EIF2B3: variants seen among roughly 807,000 people sequenced by gnomAD.
The protein encoded by EIF2B3 is eukaryotic translation initiation factor 2B subunit gamma, also known as translation initiation factor eIF2B subunit gamma.
In EIF2B3, 20 loss-of-function variants were observed where a neutral mutation model predicts 54.1. The ratio of observed to expected loss-of-function variants is 0.37; its 90% confidence interval spans 0.26 to 0.54. EIF2B3 has a LOEUF of 0.54. Ranked by LOEUF, EIF2B3 falls within the 20% of genes least tolerant of loss-of-function variation. EIF2B3 has a pLI of 0.86. For missense variants in EIF2B3, 448 were observed against 547.8 expected (o/e 0.82, Z 1.82); for synonymous variants, 153 against 188.1 (o/e 0.81, Z 1.52).
intron 3 of EIF2B3, among the ~76,000 whole-genome samples, chr1:44,944,993 A>C (rs1303195047): frequency 6.6e-6 from 1 of 152,062 alleles, no homozygotes; most frequent in Non-Finnish European, 1.5e-5. Flanking sequence ...ATTTCAACTC[A>C]TAGTCTACCA....
intron 10 of EIF2B3, among the ~76,000 whole-genome samples, chr1:44,868,490 C>T (rs1172042686): frequency 6.9e-6 from 1 of 145,540 alleles, no homozygotes; most frequent in Non-Finnish European, 1.5e-5. Flanking sequence ...AGGACACTAA[C>T]ACTGGATTTT....
chr1:44,903,533 A>C (rs1643354047), intron 5 of EIF2B3, among the ~76,000 whole-genome samples: 1 of 152,240 alleles, frequency 6.6e-6, no homozygotes, highest in African/African-American at 2.4e-5. Flanking sequence ...ATTCCCCAAT[A>C]TGCTCATTGT....
At chr1:44,945,125 A>G (rs946097714) in intron 3 of EIF2B3, among the ~76,000 whole-genome samples, 1 of 152,108 alleles carries the variant, frequency 6.6e-6, no homozygotes, top group African/African-American at 2.4e-5. Flanking sequence ...CTTTTTCCAC[A>G]TGTAACTTGT....
chr1:44,875,466 T>C, intron 9 of EIF2B3, 152 bp downstream of exon 9: 1 of 760,310 alleles, frequency 1.3e-6, no homozygotes, highest in Non-Finnish European at 2.3e-6. Context: ...CCAGGCAGTC[T>C]TGTTGAGTGA....
chr1:44,871,968 C>T (rs948607971), intron 10 of EIF2B3, among the ~76,000 whole-genome samples: 3 of 150,512 alleles, frequency 2.0e-5, no homozygotes, highest in Non-Finnish European at 4.4e-5. Flanking sequence ...CCTCCACTTC[C>T]TGGGCTCAGT....
At chr1:44,961,148 C>A (rs1184609431) in intron 3 of EIF2B3, among the ~76,000 whole-genome samples, 2 of 149,284 alleles carry the variant, frequency 1.3e-5, no homozygotes, top group Non-Finnish European at 3.0e-5. Context: ...GCAGCCTGGA[C>A]AACAAAGCAA....
At chr1:44,982,291 A>T (rs1159805985) in intron 1 of EIF2B3, among the ~76,000 whole-genome samples, 1 of 152,142 alleles carries the variant, frequency 6.6e-6, no homozygotes, top group Non-Finnish European at 1.5e-5. Flanking sequence ...GAAGGTCATA[A>T]ATCTTTATTT....
chr1:44,874,492 T>C, intron 10 of EIF2B3, 186 bp downstream of exon 10: 4 of 647,898 alleles, frequency 6.2e-6, no homozygotes, highest in Non-Finnish European at 1.0e-5. Flanking sequence ...TTTTCCATTT[T>C]AGAGGAATAA....
chr1:44,956,370 G>C (rs1394651298), intron 3 of EIF2B3, among the ~76,000 whole-genome samples: 1 of 152,002 alleles, frequency 6.6e-6, no homozygotes, highest in Admixed American at 6.6e-5. Flanking sequence ...GTCGGGGGGT[G>C]GGGGGACTAG....
chr1:44,887,599 A>G (rs1242300630), intron 6 of EIF2B3, among the ~76,000 whole-genome samples: 1 of 152,244 alleles, frequency 6.6e-6, no homozygotes, highest in Non-Finnish European at 1.5e-5. Context: ...AGGGATGCTT[A>G]CTGATATGCA....
chr1:44,976,949 A>T (rs184149133), intron 3 of EIF2B3, among the ~76,000 whole-genome samples: 1 of 152,338 alleles, frequency 6.6e-6, no homozygotes, highest in East Asian at 1.9e-4. Context: ...CTAGATTTGG[A>T]TAATGGTAAT....
intron 3 of EIF2B3, among the ~76,000 whole-genome samples, chr1:44,947,881 T>TA (rs1301053616): frequency 1.3e-5 from 2 of 151,268 alleles, no homozygotes; most frequent in Non-Finnish European, 2.9e-5. Flanking sequence ...TTTTCTTTTC[T>TA]TTTTTTTTAG....
intron 3 of EIF2B3, among the ~76,000 whole-genome samples, chr1:44,976,221 C>T (rs553620211): frequency 6.6e-6 from 1 of 152,280 alleles, no homozygotes; most frequent in East Asian, 1.9e-4. Flanking sequence ...CGACTTGCAT[C>T]TGGACTATAT....
At chr1:44,919,387 C>CAG (rs2148927869) in intron 5 of EIF2B3, among the ~76,000 whole-genome samples, 1 of 151,886 alleles carries the variant, frequency 6.6e-6, no homozygotes, top group East Asian at 1.9e-4. Context: ...CTGAACCACA[C>CAG]AGTCACTAAG....
intron 3 of EIF2B3, among the ~76,000 whole-genome samples, chr1:44,953,161 A>AC (rs1644186552): frequency 6.6e-6 from 1 of 151,808 alleles, no homozygotes; most frequent in African/African-American, 2.4e-5. Context: ...TAAAAAAAAA[A>AC]AAAAAACCAG....
intron 3 of EIF2B3, among the ~76,000 whole-genome samples, chr1:44,972,262 C>T (rs576259505): frequency 5.0e-4 from 54 of 106,940 alleles, no homozygotes; most frequent in African/African-American, 1.9e-3. Context: ...CACACACACA[C>T]ACACATATAC....
chr1:44,910,433 A>C (rs756175392), intron 5 of EIF2B3, among the ~76,000 whole-genome samples: 99 of 152,256 alleles, frequency 6.5e-4, no homozygotes, highest in Non-Finnish European at 1.3e-3. Context: ...GAAATGCAAC[A>C]ATCAGACATG....
Position 44,910,631 on chromosome 1 carries a change from C to CT in EIF2B3, c.567-13188dup, listed in dbSNP as rs60757270. Among the ~76,000 whole-genome samples, 1,534 of 61,392 alleles carry CT rather than the reference C, an allele frequency of 0.025. 207 individuals are homozygous for CT. In the East Asian group the frequency reaches 0.36, roughly 15 times the overall value. 40.3% of individuals were successfully genotyped at this position (61,392 alleles called of 152,430 possible). On this transcript the variant is annotated intron_variant, in intron 5 of 11. Transcript: ENST00000360403. ...TCCCTCCCCACCCCCCCAAGTAATG[C>CT]TTTTTTTTTTTTTTTTTTTTTTTTT...
chr1:44,914,921 C>T (rs1643591851), intron 5 of EIF2B3, among the ~76,000 whole-genome samples: 1 of 152,108 alleles, frequency 6.6e-6, no homozygotes, highest in South Asian at 2.1e-4. Context: ...GAACTCCTGA[C>T]CTTGTGATCC....
Sources: gnomAD v4.1 joint callset for allele counts (sites outside exome capture counted in the v4.1 genomes callset) on GRCh38, gnomAD v4.1.1 for gene constraint, MANE v1.5 for transcripts, NCBI Gene and HGNC (gene_info 2026-07-23, HGNC 2026-07-21) for gene names.